ALMS1: variants seen among roughly 807,000 people sequenced by gnomAD.
ALMS1 encodes centrosome-associated protein ALMS1.
ALMS1 carries 271 observed loss-of-function variants against 352.2 expected under a neutral mutation model. The ratio of observed to expected loss-of-function variants is 0.77; its 90% CI spans 0.70 to 0.85. The LOEUF is 0.85. ALMS1 is among the 40% of genes least tolerant of loss of function. ALMS1 has a pLI of 0.00. For synonymous variants in ALMS1, 1,865 were observed against 1,761.2 expected (o/e 1.06, Z -1.48); for missense variants, 5,445 against 4,870.7 (o/e 1.12, Z -3.51).
chr2:73,607,915 G>C (rs1675849802), intron 21 of ALMS1, among the ~76,000 whole-genome samples: 2 of 150,676 alleles, frequency 1.3e-5, no homozygotes, highest in African/African-American at 4.9e-5. Context: ...ACCCACCTCA[G>C]CCTCCCAAAG....
chr2:73,548,548 C>G (rs1398834682), intron 12 of ALMS1, among the ~76,000 whole-genome samples: 5 of 152,192 alleles, frequency 3.3e-5, no homozygotes, highest in African/African-American at 1.2e-4. Flanking sequence ...GGTGGTGGTG[C>G]AGACTGTGCG....
Position 73,422,890 on chromosome 2 carries a change from C to G in ALMS1, c.680C>G (p.Pro227Arg). ...GATAGCTTTGCTTCTCCTGATTTGCCTTTGCTGACCTGTTTGACACAAGAC... is the reference window on the plus strand; with the variant it reads ...GATAGCTTTGCTTCTCCTGATTTGCGTTTGCTGACCTGTTTGACACAAGAC... ...IQDSFASPDLPLLTCLTQDQE... is the reference protein window; with the variant it reads ...IQDSFASPDLRLLTCLTQDQE... The change falls in exon 4 of 23, where the codon CCT (proline) becomes CGT (arginine). Residue 227 changes from proline (P) to arginine (R), a missense_variant. By Grantham distance (103) the Pro-to-Arg change is moderately radical. Transcript: ENST00000613296. 1 of 1,613,644 alleles carries G rather than the reference C, an allele frequency of 6.2e-7. No individual in the cohort carries two copies. Among genetic ancestry groups the G allele is most frequent in the Non-Finnish European group, 8.5e-7 (1 of 1,179,686 alleles).
chr2:73,587,306 G>A (rs1020900668), intron 16 of ALMS1, among the ~76,000 whole-genome samples: 1 of 152,082 alleles, frequency 6.6e-6, no homozygotes, highest in Non-Finnish European at 1.5e-5. Context: ...AGGACTTCGA[G>A]TACAGTGTTG....
Position 73,449,066 on chromosome 2 carries a change from A to G in ALMS1, c.2539A>G (p.Lys847Glu). Residue 847 changes from lysine to glutamate, a missense_variant, in exon 8 of 23, where the codon AAG (lysine) becomes GAG (glutamate). Coordinates refer to ENST00000613296, the MANE Select transcript of ALMS1 (RefSeq NM_001378454.1). ...AGCTGTTTCTGGACCAGCTGACGGA[A>G]AGACTGGGACACCAGCTGTAACCTC... ...VSAVSGPADGKTGTPAVTSTS... is the reference protein window; with the variant it reads ...VSAVSGPADGETGTPAVTSTS... 1 of 1,614,126 alleles carries G rather than the reference A, an allele frequency of 6.2e-7. No homozygotes were observed. The highest frequency in any genetic ancestry group is 8.5e-7 in the Non-Finnish European group (1 of 1,179,984).
intron 10 of ALMS1, among the ~76,000 whole-genome samples, chr2:73,515,672 T>C (rs1442299229): frequency 6.6e-6 from 1 of 151,590 alleles, no homozygotes; most frequent in Non-Finnish European, 1.5e-5. Flanking sequence ...ATAAACAAGA[T>C]TGACAGACCA....
intron 7 of ALMS1, among the ~76,000 whole-genome samples, chr2:73,437,213 T>C (rs1354489135): frequency 1.3e-5 from 2 of 152,156 alleles, no homozygotes; most frequent in African/African-American, 4.8e-5. Flanking sequence ...GGCTTGCCTC[T>C]GCTGGGCAGA....
rs762003836 is a variant in ALMS1 at position 73,451,522 on chromosome 2, C to G, written c.4995C>G (p.Tyr1665Ter). 1 of 1,613,814 alleles carries G rather than the reference C, an allele frequency of 6.2e-7. No homozygotes were observed. The highest frequency in any genetic ancestry group is 8.5e-7 in the Non-Finnish European group (1 of 1,179,920). Residue 1665 changes from tyrosine (Y) to a stop codon, truncating the protein, a stop_gained, in exon 8 of 23, where the codon TAC (tyrosine) becomes TAG (stop). Coordinates refer to ENST00000613296, the MANE Select transcript of ALMS1 (RefSeq NM_001378454.1). LOFTEE classifies it high-confidence loss of function. ...TETLPVHSTSYSNRGKPVIFY... is the reference protein window; with the variant it reads ...TETLPVHSTS ...CATTACCAGTACATTCTACTAGCTA[C>G]TCAAATAGGGGGAAGCCTGTCATTT...
chr2:73,447,399 A>C (rs1671829123), intron 7 of ALMS1, among the ~76,000 whole-genome samples: 1 of 152,054 alleles, frequency 6.6e-6, no homozygotes, highest in African/African-American at 2.4e-5. Flanking sequence ...TTATGTACTT[A>C]AATATATATA....
chr2:73,519,704 T>G, intron 10 of ALMS1, 71 bp from the exon 11 acceptor site: 1 of 1,602,768 alleles, frequency 6.2e-7, no homozygotes, highest in Non-Finnish European at 8.5e-7. Context: ...TTGAAACCAC[T>G]TTTGGAAAGA....
At chr2:73,404,538 A>G (rs1334865959) in intron 1 of ALMS1, among the ~76,000 whole-genome samples, 1 of 151,352 alleles carries the variant, frequency 6.6e-6, no homozygotes, top group Non-Finnish European at 1.5e-5. Context: ...ATTTGAGATG[A>G]TCATGTGGTT....
At chr2:73,549,114 A>G (rs1674377644) in intron 12 of ALMS1, among the ~76,000 whole-genome samples, 1 of 152,220 alleles carries the variant, frequency 6.6e-6, no homozygotes, top group Non-Finnish European at 1.5e-5. Flanking sequence ...GAGCTCAGGA[A>G]ATAGAGGATC....
At chr2:73,523,778 A>C (rs1250976353) in intron 11 of ALMS1, among the ~76,000 whole-genome samples, 1 of 142,562 alleles carries the variant, frequency 7.0e-6, no homozygotes, top group Non-Finnish European at 1.5e-5. Context: ...CTTCCCCACC[A>C]AAAAAAAAAA....
chr2:73,491,501 G>A lies in ALMS1; in HGVS notation c.9539+3G>A, dbSNP rs1287526361. 1 of 1,613,832 alleles carries A rather than the reference G, an allele frequency of 6.2e-7. No homozygotes were observed. The highest frequency in any genetic ancestry group is 1.1e-5 in the South Asian group (1 of 91,034). On this transcript the variant is annotated splice_donor_region_variant and intron_variant, in intron 10 of 22. Transcript: ENST00000613296. Reference sequence around the variant, plus strand: ...GGGACCCCAGTATTTGCAGATCGGTGAGTCTCATTGTGATAACAAGCAAGC... The same window carrying A: ...GGGACCCCAGTATTTGCAGATCGGTAAGTCTCATTGTGATAACAAGCAAGC...
At chr2:73,521,783 A>G (rs970148112) in intron 11 of ALMS1, among the ~76,000 whole-genome samples, 1 of 151,954 alleles carries the variant, frequency 6.6e-6, no homozygotes, top group Non-Finnish European at 1.5e-5. Context: ...TTAAACTTCT[A>G]CTGTCATCAA....
chr2:73,582,571 C>T (rs1195351652), intron 16 of ALMS1, among the ~76,000 whole-genome samples: 1 of 152,166 alleles, frequency 6.6e-6, no homozygotes, highest in East Asian at 1.9e-4. Context: ...ATTCTGCTTC[C>T]TGTTTATGAA....
intron 10 of ALMS1, among the ~76,000 whole-genome samples, chr2:73,496,655 A>C (rs541109613): frequency 2.5e-4 from 38 of 151,308 alleles, no homozygotes; most frequent in African/African-American, 8.9e-4. Context: ...GAGCTAAACT[A>C]ATACTGGTTT....
chr2:73,426,318 A>T, intron 5 of ALMS1, 135 bp from the exon 6 acceptor site: 1 of 858,342 alleles, frequency 1.2e-6, no homozygotes, highest in Non-Finnish European at 2.0e-6. Context: ...TTGACCAGTG[A>T]TGCATCATTA....
chr2:73,447,771 G>A lies in ALMS1; in HGVS notation c.1433-189G>A, dbSNP rs1487071852. 3.7e-5 allele frequency among the ~76,000 whole-genome samples: 4 copies of A among 107,262 alleles called. No homozygotes were observed. The East Asian group carries it at 6.2e-4, about 17-fold the overall frequency. 70.4% of individuals were successfully genotyped at this position (107,262 alleles called of 152,430 possible). ...TTATAACCATTACTCTGTTGTTGAA[G>A]ATTAAAATGTTTTTACTTTAGTTTT... On this transcript the variant is annotated intron_variant, in intron 7 of 22. Coordinates refer to ENST00000613296, the MANE Select transcript of ALMS1 (RefSeq NM_001378454.1).
chr2:73,585,678 G>C (rs544748439), intron 16 of ALMS1, among the ~76,000 whole-genome samples: 1 of 150,228 alleles, frequency 6.7e-6, no homozygotes, highest in African/African-American at 2.5e-5. Flanking sequence ...ACAGGCATAA[G>C]CCACCACGCC....
Sources: gnomAD v4.1 joint callset for allele counts (sites outside exome capture counted in the v4.1 genomes callset) on GRCh38, gnomAD v4.1.1 for gene constraint, MANE v1.5 for transcripts, NCBI Gene and HGNC (gene_info 2026-07-23, HGNC 2026-07-21) for gene names.